Variants in DGKB observed in about 807,000 individuals in gnomAD.
The protein encoded by DGKB is diacylglycerol kinase beta, also known as 90 kDa diacylglycerol kinase.
In DGKB, 67 loss-of-function variants were observed where a neutral mutation model predicts 114.3. The observed-to-expected ratio is 0.59, with a 90% CI of 0.48 to 0.72. The LOEUF (loss-of-function observed/expected upper bound fraction) is 0.72, where lower values mean the gene tolerates loss of function less well. Among genes scored for constraint, DGKB ranks in the 30% least tolerant of loss-of-function variants. The probability of loss-of-function intolerance (pLI) is 0.00; values close to 1 mark genes in which losing one functional copy is unlikely to be tolerated. For synonymous variants in DGKB, 398 were observed against 323.1 expected, an observed-to-expected ratio of 1.23 and a Z score of -2.49; for missense variants, 907 against 975.2, an observed-to-expected ratio of 0.93 and a Z score of 0.93.
chr7:14,842,482 C>A (rs1848072565), intron 1 of DGKB, among the ~76,000 whole-genome samples: 1 of 152,254 alleles, frequency 6.6e-6, no homozygotes, highest in South Asian at 2.1e-4. Flanking sequence ...CTCACAGAGA[C>A]CAAACTGCTG....
At chr7:14,761,341 G>A (rs1427742896) in intron 2 of DGKB, among the ~76,000 whole-genome samples, 2 of 152,106 alleles carry the variant, frequency 1.3e-5, no homozygotes, top group Admixed American at 1.3e-4. Context: ...TTATCTACAT[G>A]TCTTCTTGGA....
At chr7:14,351,051 C>T (rs1285183718) in intron 21 of DGKB, among the ~76,000 whole-genome samples, 1 of 152,176 alleles carries the variant, frequency 6.6e-6, no homozygotes, top group Non-Finnish European at 1.5e-5. Context: ...AAAACAGTCT[C>T]ATAATTCTAT....
chr7:14,152,240 C>T (rs1193271953), intron 25 of DGKB, among the ~76,000 whole-genome samples: 1 of 152,042 alleles, frequency 6.6e-6, no homozygotes, highest in Non-Finnish European at 1.5e-5. Context: ...TGAGTGCCTC[C>T]TTCTATTAAG....
At chr7:14,230,331 A>G (rs902254682) in intron 23 of DGKB, among the ~76,000 whole-genome samples, 2 of 151,996 alleles carry the variant, frequency 1.3e-5, no homozygotes, top group Non-Finnish European at 2.9e-5. Context: ...TGATGTCAAA[A>G]TAATACTTAG....
At chr7:14,624,270 T>C (rs1232152842) in intron 14 of DGKB, among the ~76,000 whole-genome samples, 1 of 152,216 alleles carries the variant, frequency 6.6e-6, no homozygotes, top group Admixed American at 6.5e-5. Context: ...CTTGCATGCA[T>C]ATATATAAAA....
chr7:14,642,611 C>A (rs1028336421), intron 13 of DGKB, among the ~76,000 whole-genome samples: 2 of 152,090 alleles, frequency 1.3e-5, no homozygotes, highest in African/African-American at 4.8e-5. Context: ...TAATTGAATA[C>A]AATCAAGCCT....
intron 2 of DGKB, among the ~76,000 whole-genome samples, chr7:14,822,671 C>A (rs1845106655): frequency 6.6e-6 from 1 of 152,028 alleles, no homozygotes; most frequent in African/African-American, 2.4e-5. Context: ...TTGATAGAAT[C>A]ATAGAGAAAA....
intron 22 of DGKB, among the ~76,000 whole-genome samples, chr7:14,344,641 A>AAATCTCTC (rs1380329288): frequency 6.6e-6 from 1 of 151,330 alleles, no homozygotes; most frequent in Non-Finnish European, 1.5e-5. Context: ...TAACCCCTAA[A>AAATCTCTC]AATCTCTCAA....
intron 1 of DGKB, among the ~76,000 whole-genome samples, chr7:14,956,115 C>G (rs1018306173): frequency 5.3e-5 from 8 of 151,934 alleles, no homozygotes; most frequent in Non-Finnish European, 1.2e-4. Context: ...TAAGACTCAT[C>G]TCAGGGTAAC....
At chr7:14,604,033 A>G (rs17168296) in intron 17 of DGKB, among the ~76,000 whole-genome samples, 53,868 of 151,924 alleles carry the variant, frequency 0.35, 9,973 homozygotes, top group East Asian at 0.68. Flanking sequence ...ATATTGTTAT[A>G]TAAAGCCCAA....
At chr7:14,356,352 CTTTTTTT>C (rs997102742) in intron 21 of DGKB, among the ~76,000 whole-genome samples, 22 of 77,222 alleles carry the variant, frequency 2.8e-4, no homozygotes, top group Admixed American at 4.6e-4. Flanking sequence ...TTCTCTAGTT[CTTTTTTT>C]TTTTTTTTTT....
chr7:14,333,174 A>G (rs1341868468), intron 23 of DGKB, among the ~76,000 whole-genome samples: 1 of 152,114 alleles, frequency 6.6e-6, no homozygotes, highest in Admixed American at 6.6e-5. Context: ...TCAATCAGTG[A>G]GAGGCCGGGG....
At chr7:14,856,120 T>C (rs1850116608) in intron 1 of DGKB, among the ~76,000 whole-genome samples, 1 of 152,060 alleles carries the variant, frequency 6.6e-6, no homozygotes, top group Non-Finnish European at 1.5e-5. Context: ...AAAAGTCAGA[T>C]ATAAGTCTAA....
At chr7:14,504,265 C>CA (rs1786663455) in intron 20 of DGKB, among the ~76,000 whole-genome samples, 1 of 152,148 alleles carries the variant, frequency 6.6e-6, no homozygotes, top group Non-Finnish European at 1.5e-5. Flanking sequence ...AACCAACAAA[C>CA]AGAGAGGCTC....
chr7:14,656,791 T>C (rs1274178897), intron 13 of DGKB, among the ~76,000 whole-genome samples: 3 of 147,984 alleles, frequency 2.0e-5, no homozygotes, highest in East Asian at 1.9e-4. Context: ...ATATATGGTA[T>C]ATATATACAT....
intron 1 of DGKB, among the ~76,000 whole-genome samples, chr7:14,890,471 A>T (rs1432876509): frequency 6.6e-6 from 1 of 151,418 alleles, no homozygotes; most frequent in Admixed American, 6.6e-5. Flanking sequence ...TGGAAAAATG[A>T]TGTGGGGATA....
chr7:14,402,018 T>C (rs1287241956), intron 21 of DGKB, among the ~76,000 whole-genome samples: 2 of 151,494 alleles, frequency 1.3e-5, no homozygotes, highest in Admixed American at 6.6e-5. Flanking sequence ...ATCATTGCCC[T>C]CTCCCTTTTA....
At chr7:14,155,134 G>A (rs765404934) in intron 25 of DGKB, among the ~76,000 whole-genome samples, 7 of 152,008 alleles carry the variant, frequency 4.6e-5, no homozygotes, top group Non-Finnish European at 8.8e-5. Context: ...CTCTTCCTAA[G>A]TGGCAAGACC....
chr7:14,586,955 T>C (rs1421702452), intron 17 of DGKB, among the ~76,000 whole-genome samples: 1 of 152,144 alleles, frequency 6.6e-6, no homozygotes, highest in Non-Finnish European at 1.5e-5. Context: ...GAATGTTGTT[T>C]TCATGCCTGC....
Sources: gnomAD v4.1 joint callset for allele counts (sites outside exome capture counted in the v4.1 genomes callset) on GRCh38, gnomAD v4.1.1 for gene constraint, MANE v1.5 for transcripts, NCBI Gene and HGNC (gene_info 2026-07-23, HGNC 2026-07-21) for gene names.